Variants in UBE2O observed in about 807,000 individuals in gnomAD.
UBE2O encodes the protein ubiquitin conjugating enzyme E2 O.
Under a neutral mutation model 125.8 loss-of-function variants are expected in UBE2O, and 15 were observed. The observed-to-expected ratio is 0.12, with a 90% CI of 0.08 to 0.18. The LOEUF (loss-of-function observed/expected upper bound fraction) is 0.18, where lower values mean the gene tolerates loss of function less well. UBE2O is among the 10% of genes least tolerant of loss of function. The pLI is 1.00. For synonymous variants in UBE2O, 708 were observed against 703.2 expected, an observed-to-expected ratio of 1.01 and a Z score of -0.11; for missense variants, 1,280 against 1,723.6, an observed-to-expected ratio of 0.74 and a Z score of 4.56.
Position 76,452,349 on chromosome 17 carries a change from C to G in UBE2O, c.417+376G>C, listed in dbSNP as rs184692126. On this transcript the variant is annotated intron_variant, in intron 1 of 17. Coordinates refer to ENST00000319380, the MANE Select transcript of UBE2O (RefSeq NM_022066.4). This position sits in a 1 kb window ranked among gnomAD's most constrained non-coding sequence, Gnocchi z 4.4. Reference sequence around the variant, plus strand: ...TCATTTCTGGATGCACAATGCAGTACCGAGCTCCTTGGGGGTCAGCAAAAC... The same window carrying G: ...TCATTTCTGGATGCACAATGCAGTAGCGAGCTCCTTGGGGGTCAGCAAAAC... Among the ~76,000 whole-genome samples the G allele has an allele frequency of 2.6e-5, 4 of 152,278 alleles. No individual in the cohort carries two copies. Among genetic ancestry groups the G allele is most frequent in the Non-Finnish European group, 5.9e-5 (4 of 68,018 alleles).
chr17:76,393,932 A>G (rs2072159692), intron 15 of UBE2O, among the ~76,000 whole-genome samples: 1 of 152,250 alleles, frequency 6.6e-6, no homozygotes, highest in African/African-American at 2.4e-5. Flanking sequence ...CAGGGAATGC[A>G]CTACTTTTCT....
intron 5 of UBE2O, 85 bp from the exon 6 acceptor site, chr17:76,401,239 GC>G (rs2072318852): frequency 6.6e-7 from 1 of 1,512,200 alleles, no homozygotes; most frequent in Non-Finnish European, 9.0e-7. Context: ...CCCGCTGGCT[GC>G]CCACCTGCAG....
chr17:76,398,913 G>T lies in UBE2O; in HGVS notation c.1707C>A (p.Arg569=). The change falls in exon 10 of 18, where the codon CGC becomes CGA. Residue 569 remains arginine (R), a synonymous_variant. Transcript: ENST00000319380. This position sits in a 1 kb window ranked among gnomAD's most constrained non-coding sequence, Gnocchi z 5.4. ...WQDGSVECNI[R]SNDLFPVHHL... ...GGTGCACAGGGAAGAGGTCGTTGGA[G>T]CGGATGTTGCATTCCACGGAGCCAT... 6.2e-7 allele frequency: 1 copy of T among 1,614,178 alleles called. No homozygotes were observed. The highest frequency in any genetic ancestry group is 1.3e-5 in the African/African-American group (1 of 75,056).
chr17:76,439,019 C>G (rs1329114445), intron 1 of UBE2O, among the ~76,000 whole-genome samples: 1 of 152,170 alleles, frequency 6.6e-6, no homozygotes, highest in Non-Finnish European at 1.5e-5. Flanking sequence ...TGATGTAAGT[C>G]CTCTTTATGT....
chr17:76,416,018 T>A (rs775568492), intron 1 of UBE2O, among the ~76,000 whole-genome samples: 16 of 150,644 alleles, frequency 1.1e-4, no homozygotes, highest in Non-Finnish European at 2.2e-4. Context: ...TGTATACATA[T>A]GTACACACAC....
At chr17:76,406,857 G>C (rs1261199152) in intron 1 of UBE2O, among the ~76,000 whole-genome samples, 9 of 151,972 alleles carry the variant, frequency 5.9e-5, no homozygotes, top group Non-Finnish European at 1.2e-4. Context: ...GTGCCACCAC[G>C]CCCGGCTAAT....
chr17:76,452,623 G>A lies in UBE2O; in HGVS notation c.417+102C>T. The stretch of plus-strand genomic sequence containing the variant: ...CTGTCCTCCCGCGTCGGCCACTGCA[G>A]TGGCACCGCTCCGGGCAGGGCCCTG... On this transcript the variant is annotated intron_variant, in intron 1 of 17. Transcript: ENST00000319380. The surrounding 1 kb of genome is among the most constrained non-coding windows in gnomAD (Gnocchi z 4.4). 3 of 1,155,514 alleles carry A rather than the reference G, an allele frequency of 2.6e-6. No homozygotes were observed. Among genetic ancestry groups the A allele is most frequent in the African/African-American group, 1.6e-5 (1 of 61,732 alleles). The allele number at this position is 1,155,514 out of a possible 1,614,324, so 71.6% of individuals were successfully genotyped here.
rs1382772777 is a variant in UBE2O at position 76,437,351 on chromosome 17, G to A, written c.417+15374C>T. Among the ~76,000 whole-genome samples, 6 of 151,184 alleles carry A rather than the reference G, an allele frequency of 4.0e-5. No homozygotes were observed. The South Asian group carries it at 8.3e-4, about 21-fold the overall frequency. On this transcript the variant is annotated intron_variant, in intron 1 of 17. Coordinates refer to ENST00000319380, the MANE Select transcript of UBE2O (RefSeq NM_022066.4). The stretch of plus-strand genomic sequence containing the variant: ...TGTAGTCCCAGCTACTCAGGAGCCT[G>A]AGGCAGGAGAATGGCATGAACCTGG...
At chr17:76,450,904 G>A (rs2073229714) in intron 1 of UBE2O, among the ~76,000 whole-genome samples, 1 of 152,250 alleles carries the variant, frequency 6.6e-6, no homozygotes, top group South Asian at 2.1e-4. Context: ...ACAGGCATGA[G>A]CTACCACACC....
chr17:76,398,086 G>T lies in UBE2O; in HGVS notation c.2025+169C>A, dbSNP rs1418777307. ...CAGGGAAACAAGTCCTTCTGCAGCT[G>T]CTAGTGCTGAGCGGCAGCTTGACTC... On this transcript the variant is annotated intron_variant, in intron 12 of 17. Coordinates refer to ENST00000319380, the MANE Select transcript of UBE2O (RefSeq NM_022066.4). The surrounding 1 kb of genome is among the most constrained non-coding windows in gnomAD (Gnocchi z 5.4). 6.6e-6 allele frequency among the ~76,000 whole-genome samples: 1 copy of T among 152,256 alleles called. No homozygotes were observed. The highest frequency in any genetic ancestry group is 1.5e-5 in the Non-Finnish European group (1 of 68,046).
At chr17:76,442,619 G>C (rs1162451692) in intron 1 of UBE2O, among the ~76,000 whole-genome samples, 1 of 152,232 alleles carries the variant, frequency 6.6e-6, no homozygotes, top group Non-Finnish European at 1.5e-5. Flanking sequence ...ATGAGAGGAA[G>C]GGAACGGCAC....
At chr17:76,394,804 G>A (rs1327697649) in intron 15 of UBE2O, among the ~76,000 whole-genome samples, 1 of 152,166 alleles carries the variant, frequency 6.6e-6, no homozygotes, top group Non-Finnish European at 1.5e-5. Flanking sequence ...TCCACTCAAA[G>A]GATCTGTAAT....
At chr17:76,412,617 C>T (rs189106573) in intron 1 of UBE2O, among the ~76,000 whole-genome samples, 6 of 152,320 alleles carry the variant, frequency 3.9e-5, no homozygotes, top group African/African-American at 1.4e-4. Flanking sequence ...TCTAGCTCCA[C>T]GCTGCCATGT....
At chr17:76,401,959 T>C (rs1159891417) in intron 5 of UBE2O, 105 bp downstream of exon 5, 2 of 1,214,552 alleles carry the variant, frequency 1.6e-6, no homozygotes, top group Non-Finnish European at 1.1e-6. Flanking sequence ...GCCCCTTTTC[T>C]AGGAAACCGC....
chr17:76,405,739 C>CCCA lies in UBE2O; in HGVS notation c.418-170_418-168dup, dbSNP rs1229676369. 6.6e-6 allele frequency among the ~76,000 whole-genome samples: 1 copy of CCCA among 152,192 alleles called. No individual in the cohort carries two copies. Among genetic ancestry groups the CCCA allele is most frequent in the Non-Finnish European group, 1.5e-5 (1 of 68,024 alleles). On this transcript the variant is annotated intron_variant, in intron 1 of 17. Transcript: ENST00000319380. This position sits in a 1 kb window ranked among gnomAD's most constrained non-coding sequence, Gnocchi z 6.1. ...AGACCGCACACACCTCCGACCAGCACCCAGACCCACAGGCAGAGCGCGTCA... is the reference window on the plus strand; with the variant it reads ...AGACCGCACACACCTCCGACCAGCACCCACCAGACCCACAGGCAGAGCGCGTCA...
chr17:76,449,103 G>A (rs940899537), intron 1 of UBE2O, among the ~76,000 whole-genome samples: 7 of 152,228 alleles, frequency 4.6e-5, no homozygotes, highest in Non-Finnish European at 7.3e-5. Flanking sequence ...TTTTCATGAA[G>A]GCAGCAGGGA....
chr17:76,396,905 C>T lies in UBE2O; in HGVS notation c.2116-84G>A. The T allele has an allele frequency of 8.0e-7, 1 of 1,257,730 alleles. No individual in the cohort carries two copies. The highest frequency in any genetic ancestry group is 1.1e-6 in the Non-Finnish European group (1 of 910,414). 77.9% of individuals were successfully genotyped at this position (1,257,730 alleles called of 1,614,324 possible). ...AGGAGGAGCTCTGGGGATCCCTGAT[C>T]CGCACAGCTGATGGCGACTGGGCTC... On this transcript the variant is annotated intron_variant, in intron 13 of 17. Coordinates refer to ENST00000319380, the MANE Select transcript of UBE2O (RefSeq NM_022066.4). The surrounding 1 kb of genome is among the most constrained non-coding windows in gnomAD (Gnocchi z 6.7).
chr17:76,428,980 C>T (rs1487808683), intron 1 of UBE2O, among the ~76,000 whole-genome samples: 1 of 150,780 alleles, frequency 6.6e-6, no homozygotes, highest in African/African-American at 2.4e-5. Flanking sequence ...TGGTTCACTG[C>T]AACCTCTGCC....
intron 1 of UBE2O, among the ~76,000 whole-genome samples, chr17:76,433,655 GGAGT>G (rs1479679695): frequency 1.3e-5 from 2 of 151,302 alleles, no homozygotes; most frequent in Non-Finnish European, 2.9e-5. Context: ...CCCAGGAGGT[GGAGT>G]GAGTATTGCG....
Sources: gnomAD v4.1 joint callset for allele counts (sites outside exome capture counted in the v4.1 genomes callset) on GRCh38, gnomAD v4.1.1 for gene constraint, Gnocchi (gnomAD v3.1) non-coding constraint, MANE v1.5 for transcripts, NCBI Gene and HGNC (gene_info 2026-07-23, HGNC 2026-07-21) for gene names.